ZNF516: variants seen among roughly 807,000 people sequenced by gnomAD.
The protein encoded by ZNF516 is zinc finger protein 516.
Under a neutral mutation model 79.7 loss-of-function variants are expected in ZNF516, and 19 were observed. The ratio of observed to expected loss-of-function variants is 0.24; its 90% CI spans 0.17 to 0.35. ZNF516 has a LOEUF of 0.35. Among genes scored for constraint, ZNF516 ranks in the 10% least tolerant of loss-of-function variants. ZNF516 has a pLI of 1.00. For synonymous variants in ZNF516, 877 were observed against 739.5 expected, an observed-to-expected ratio of 1.19 and a Z score of -3.02; for missense variants, 1,678 against 1,679.5, an observed-to-expected ratio of 1.00 and a Z score of 0.02.
chr18:76,386,251 G>A (rs2074990805), intron 3 of ZNF516: 1 of 152,128 alleles, frequency 6.6e-6, no homozygotes, highest in Admixed American at 6.5e-5. Flanking sequence ...GAACACACAG[G>A]GTGGCTGCAG....
At chr18:76,372,026 G>C (rs1249443592) in intron 4 of ZNF516, among the ~76,000 whole-genome samples, 2 of 152,034 alleles carry the variant, frequency 1.3e-5, no homozygotes, top group African/African-American at 2.4e-5. Flanking sequence ...CACGCAGAGT[G>C]AGTGCGGCCA....
At chr18:76,421,907 C>T (rs1292006231) in intron 3 of ZNF516, among the ~76,000 whole-genome samples, 1 of 152,150 alleles carries the variant, frequency 6.6e-6, no homozygotes, top group East Asian at 1.9e-4. Context: ...AATTTCTCTG[C>T]CTCACACATG....
intron 1 of ZNF516, among the ~76,000 whole-genome samples, chr18:76,475,102 C>T (rs1914099607): frequency 6.6e-6 from 1 of 152,108 alleles, no homozygotes; most frequent in African/African-American, 2.4e-5. Flanking sequence ...ACATATGTGA[C>T]GGAAGATACA....
chr18:76,491,028 C>A (rs889260399), intron 1 of ZNF516: 5 of 985,358 alleles, frequency 5.1e-6, no homozygotes, highest in Non-Finnish European at 6.0e-6. Flanking sequence ...CCAACTCCCA[C>A]CCCAAATCCG....
intron 1 of ZNF516, among the ~76,000 whole-genome samples, chr18:76,487,592 T>C (rs1419198112): frequency 2.0e-5 from 3 of 152,362 alleles, no homozygotes; most frequent in Non-Finnish European, 4.4e-5. Flanking sequence ...TAATTATTCA[T>C]AAATGTAAAC....
intron 1 of ZNF516, among the ~76,000 whole-genome samples, chr18:76,482,074 C>T (rs983919732): frequency 1.3e-5 from 2 of 152,048 alleles, no homozygotes; most frequent in South Asian, 2.1e-4. Context: ...TTAAAGTCAA[C>T]GTTTAGAAGT....
rs957104293 is a variant in ZNF516, at chr18:76,451,257, G to A, written c.-157-8046C>T. On this transcript the variant is annotated intron_variant, in intron 2 of 6. Transcript: ENST00000443185. This position sits in a 1 kb window ranked among gnomAD's most constrained non-coding sequence, Gnocchi z 6.0. ...CCGAAACAGCCCTGGCTCCCCCGAC[G>A]CCATGTGGCTTTACTTATCCCCGTC... 1.3e-5 allele frequency among the ~76,000 whole-genome samples: 2 copies of A among 152,094 alleles called. No homozygotes were observed. Among genetic ancestry groups the A allele is most frequent in the Non-Finnish European group, 2.9e-5 (2 of 68,012 alleles).
intron 1 of ZNF516, among the ~76,000 whole-genome samples, chr18:76,468,579 G>C (rs1029317609): frequency 6.6e-6 from 1 of 151,936 alleles, no homozygotes; most frequent in Admixed American, 6.6e-5. Context: ...ACCACACTCA[G>C]CTAATTTTTT....
chr18:76,453,060 A>G (rs1404773936), intron 2 of ZNF516, among the ~76,000 whole-genome samples: 2 of 152,114 alleles, frequency 1.3e-5, no homozygotes, highest in Non-Finnish European at 2.9e-5. Flanking sequence ...ACTATTTACT[A>G]TTTTCCAAGT....
intron 1 of ZNF516, chr18:76,492,969 TGCACGC>T (rs1195170580): frequency 5.1e-6 from 5 of 985,462 alleles, no homozygotes; most frequent in Non-Finnish European, 6.0e-6. Flanking sequence ...CATGGGCTCA[TGCACGC>T]GCACGCGCGC....
At position 76,366,100 on chromosome 18, in the gene ZNF516, C is replaced by T. The variant is rs763987446; in HGVS notation, c.3433-3543G>A. The stretch of plus-strand genomic sequence containing the variant: ...AAAAAGACTGCCACTAGTGTCACCA[C>T]GAAAGGAAACTACTTTATTTCTCTT... On this transcript the variant is annotated intron_variant, in intron 6 of 6. Transcript: ENST00000443185. 1.6e-4 allele frequency among the ~76,000 whole-genome samples: 25 copies of T among 152,302 alleles called. No homozygotes were observed. In the Middle Eastern group the frequency reaches 0.014, roughly 83 times the overall value.
At chr18:76,381,047 C>T (rs757563787) in intron 3 of ZNF516, among the ~76,000 whole-genome samples, 2 of 152,188 alleles carry the variant, frequency 1.3e-5, no homozygotes, top group Non-Finnish European at 2.9e-5. Flanking sequence ...CCCTGATGGT[C>T]GGACCTTGAC....
chr18:76,433,800 C>G lies in ZNF516; in HGVS notation c.1810+7445G>C, dbSNP rs2075694254. ...GCACATCACGGATACAGGAGGGCGACAACACAACCAACACAGGCAGGTGCA... is the reference window on the plus strand; with the variant it reads ...GCACATCACGGATACAGGAGGGCGAGAACACAACCAACACAGGCAGGTGCA... On this transcript the variant is annotated intron_variant, in intron 3 of 6. Transcript: ENST00000443185. Among the ~76,000 whole-genome samples the G allele has an allele frequency of 2.0e-5, 3 of 152,166 alleles. No individual in the cohort carries two copies. In the South Asian group the frequency reaches 6.2e-4, roughly 32 times the overall value.
intron 3 of ZNF516, among the ~76,000 whole-genome samples, chr18:76,421,653 C>G (rs895428311): frequency 1.3e-5 from 2 of 152,232 alleles, no homozygotes; most frequent in Admixed American, 1.3e-4. Flanking sequence ...CCACAGGGAG[C>G]AGGTCCTATG....
chr18:76,415,954 G>A (rs142312234), intron 3 of ZNF516, among the ~76,000 whole-genome samples: 94 of 152,298 alleles, frequency 6.2e-4, no homozygotes, highest in Middle Eastern at 3.4e-3. Flanking sequence ...GTTTGCAAAT[G>A]AGTCAATATA....
In ZNF516 at chr18:76,493,628, G is replaced by A. The variant is rs1915359627; in HGVS notation, c.-272+1516C>T. ...AAGCACTTTACCTAGCCGGGTTTCAGACCTTAAAAATAACATCTTTTCCAA... is the reference window on the plus strand; with the variant it reads ...AAGCACTTTACCTAGCCGGGTTTCAAACCTTAAAAATAACATCTTTTCCAA... On this transcript the variant is annotated intron_variant, in intron 1 of 6. Transcript: ENST00000443185. This position sits in a 1 kb window ranked among gnomAD's most constrained non-coding sequence, Gnocchi z 5.2. 6.6e-6 allele frequency: 1 copy of A among 152,144 alleles called. No individual in the cohort carries two copies. Among genetic ancestry groups the A allele is most frequent in the Non-Finnish European group, 1.5e-5 (1 of 68,040 alleles). 9.4% of individuals were successfully genotyped at this position (152,144 alleles called of 1,614,324 possible).
At chr18:76,394,741 TG>T (rs1302264684) in intron 3 of ZNF516, among the ~76,000 whole-genome samples, 62 of 1,500 alleles carry the variant, frequency 0.041, 24 homozygotes, top group African/African-American at 0.15. Context: ...GGTGGTCAGG[TG>T]GGGGGAGGGC....
At chr18:76,391,987 C>A (rs1390626406) in intron 3 of ZNF516, among the ~76,000 whole-genome samples, 1 of 152,228 alleles carries the variant, frequency 6.6e-6, no homozygotes, top group Non-Finnish European at 1.5e-5. Context: ...AGGCAAACAA[C>A]ACCACGGTCC....
chr18:76,474,806 C>T (rs921110387), intron 1 of ZNF516, among the ~76,000 whole-genome samples: 1 of 152,056 alleles, frequency 6.6e-6, no homozygotes, highest in Non-Finnish European at 1.5e-5. Flanking sequence ...GGTCTAATAA[C>T]CACAGACAGA....
Sources: gnomAD v4.1 joint callset for allele counts (sites outside exome capture counted in the v4.1 genomes callset) on GRCh38, gnomAD v4.1.1 for gene constraint, Gnocchi (gnomAD v3.1) non-coding constraint, MANE v1.5 for transcripts, NCBI Gene and HGNC (gene_info 2026-07-23, HGNC 2026-07-21) for gene names.